The following FICD variants were observed in gnomAD, a reference collection of about 807,000 sequenced individuals.
FICD encodes FIC domain protein adenylyltransferase.
Under a neutral mutation model 28.0 loss-of-function variants are expected in FICD, and 13 were observed. The observed-to-expected ratio is 0.46, with a 90% CI of 0.30 to 0.74. The LOEUF (loss-of-function observed/expected upper bound fraction) is 0.74, where lower values mean the gene tolerates loss of function less well. Among genes scored for constraint, FICD ranks in the 30% least tolerant of loss-of-function variants. The pLI is 0.07. For synonymous variants in FICD, 268 were observed against 266.4 expected, an observed-to-expected ratio of 1.01 and a Z score of -0.06; for missense variants, 576 against 624.5, an observed-to-expected ratio of 0.92 and a Z score of 0.83.
Position 108,518,637 on chromosome 12 carries a change from G to A in FICD, c.539G>A (p.Arg180His), listed in dbSNP as rs926237262. The A allele has an allele frequency of 2.2e-5, 35 of 1,614,046 alleles. No homozygotes were observed. The highest frequency in any genetic ancestry group is 8.0e-5 in the African/African-American group (6 of 74,920). Residue 180 changes from arginine (R) to histidine (H), a missense_variant, in exon 3 of 3, where the codon CGC becomes CAC. Coordinates refer to ENST00000552695, the MANE Select transcript of FICD (RefSeq NM_007076.3). The surrounding 1 kb of genome is among the most constrained non-coding windows in gnomAD (Gnocchi z 4.4). ...SPYHEKALVN[R>H]DRTLPLVEEI... is the part of the protein sequence containing the mutation. ...TACCATGAGAAAGCACTGGTCAACC[G>A]CGATCGGACACTGCCTCTTGTGGAA...
Position 108,520,995 on chromosome 12 carries a change from A to G in FICD, c.*1520A>G, listed in dbSNP as rs1872098796. 1 of 152,196 alleles carries G rather than the reference A, an allele frequency of 6.6e-6. No homozygotes were observed. The highest frequency in any genetic ancestry group is 2.4e-5 in the African/African-American group (1 of 41,448). 9.4% of individuals were successfully genotyped at this position (152,196 alleles called of 1,614,324 possible). On this transcript the variant is annotated 3_prime_UTR_variant, in exon 3 of 3. Coordinates refer to ENST00000552695, the MANE Select transcript of FICD (RefSeq NM_007076.3). ...GATATATGAAATGGCTCCAAATGAT[A>G]ATTGTTCAAACCTTTATAAAATGTG...
At position 108,518,700 on chromosome 12, in the gene FICD, A is replaced by G. The variant is rs1872000263; in HGVS notation, c.602A>G (p.Lys201Arg). ...DQRYFSIIDSKVKKVMSIPKG... is the reference protein window; with the variant it reads ...DQRYFSIIDSRVKKVMSIPKG... ...AGGTATTTCAGCATCATCGACAGCA[A>G]AGTGAAGAAGGTCATGTCCATCCCC... Residue 201 changes from lysine to arginine, a missense_variant, in exon 3 of 3, where the codon AAA (lysine) becomes AGA (arginine). Lys to Arg is a conservative substitution (Grantham distance 26). Transcript: ENST00000552695. This position sits in a 1 kb window ranked among gnomAD's most constrained non-coding sequence, Gnocchi z 4.4. The G allele has an allele frequency of 6.2e-7, 1 of 1,614,084 alleles. No individual in the cohort carries two copies. Among genetic ancestry groups the G allele is most frequent in the South Asian group, 1.1e-5 (1 of 91,086 alleles).
In FICD at chr12:108,518,801, G is replaced by A. The variant is rs1354950569; in HGVS notation, c.703G>A (p.Gly235Ser). 1 of 1,614,186 alleles carries A rather than the reference G, an allele frequency of 6.2e-7. No homozygotes were observed. The highest frequency in any genetic ancestry group is 1.1e-5 in the South Asian group (1 of 91,086). Reference protein sequence around the residue: ...HHIYHTVAIEGNTLTLSEIRH... With the variant: ...HHIYHTVAIESNTLTLSEIRH... ...CATCTACCACACAGTGGCCATCGAG[G>A]GCAACACCCTCACCCTCTCGGAAAT... The change falls in exon 3 of 3, where the codon GGC (glycine) becomes AGC (serine). Residue 235 changes from glycine to serine, a missense_variant. By Grantham distance (56) the Gly-to-Ser change is moderately conservative. Coordinates refer to ENST00000552695, the MANE Select transcript of FICD (RefSeq NM_007076.3). This position sits in a 1 kb window ranked among gnomAD's most constrained non-coding sequence, Gnocchi z 4.4.
At chr12:108,517,344 G>T in intron 2 of FICD, 71 bp downstream of exon 2, 1 of 1,274,410 alleles carries the variant, frequency 7.8e-7, no homozygotes. Flanking sequence ...GTCATGTCCT[G>T]TATGTGGGGC....
rs1565853431 is a variant in FICD at position 108,519,574 on chromosome 12, A to C, written c.*99A>C. On this transcript the variant is annotated 3_prime_UTR_variant, in exon 3 of 3. Coordinates refer to ENST00000552695, the MANE Select transcript of FICD (RefSeq NM_007076.3). The surrounding 1 kb of genome is among the most constrained non-coding windows in gnomAD (Gnocchi z 4.5). ...AGTCACTTCCTAAAGCAAAAGGAGA[A>C]ACATTCTTTACCTCCAAATGTTTTA... The C allele has an allele frequency of 3.0e-6, 2 of 662,028 alleles. No individual in the cohort carries two copies. The highest frequency in any genetic ancestry group is 3.5e-5 in the Admixed American group (1 of 28,746). 41.0% of individuals were successfully genotyped at this position (662,028 alleles called of 1,614,324 possible).
rs1454674034 is a variant in FICD, at chr12:108,518,816, C to T, written c.718C>T (p.Leu240Phe). Residue 240 changes from leucine (L) to phenylalanine (F), a missense_variant, in exon 3 of 3, where the codon CTC becomes TTC. By Grantham distance (22) the Leu-to-Phe change is conservative. Transcript: ENST00000552695. The surrounding 1 kb of genome is among the most constrained non-coding windows in gnomAD (Gnocchi z 4.4). ...GGCCATCGAGGGCAACACCCTCACCCTCTCGGAAATCAGGCACATCCTGGA... is the reference window on the plus strand; with the variant it reads ...GGCCATCGAGGGCAACACCCTCACCTTCTCGGAAATCAGGCACATCCTGGA... Reference protein sequence around the residue: ...TVAIEGNTLTLSEIRHILETR... With the variant: ...TVAIEGNTLTFSEIRHILETR... The T allele has an allele frequency of 1.9e-6, 3 of 1,614,094 alleles. No homozygotes were observed. Among genetic ancestry groups the T allele is most frequent in the Non-Finnish European group, 2.5e-6 (3 of 1,180,052 alleles).
intron 2 of FICD, 41 bp downstream of exon 2, chr12:108,517,314 G>C: frequency 7.0e-7 from 1 of 1,438,294 alleles, no homozygotes; most frequent in African/African-American, 1.4e-5. Flanking sequence ...TTGTTAACTG[G>C]ATAGACAGAC....
Position 108,520,187 on chromosome 12 carries a change from G to C in FICD, c.*712G>C, listed in dbSNP as rs1374192959. The C allele has an allele frequency of 2.6e-5, 4 of 151,458 alleles. No individual in the cohort carries two copies. Among genetic ancestry groups the C allele is most frequent in the African/African-American group, 9.7e-5 (4 of 41,138 alleles). The allele number at this position is 151,458 out of a possible 1,614,324, so 9.4% of individuals were successfully genotyped here. A position where few individuals can be genotyped will look rare whatever the true frequency, so the allele number is the denominator to read the frequency against. On this transcript the variant is annotated 3_prime_UTR_variant, in exon 3 of 3. Coordinates refer to ENST00000552695, the MANE Select transcript of FICD (RefSeq NM_007076.3). ...GTTGGAGGGGGAAACATGGTGGGCGGGCAGTTTGGTTTTCTTTGTGTATCC... is the reference window on the plus strand; with the variant it reads ...GTTGGAGGGGGAAACATGGTGGGCGCGCAGTTTGGTTTTCTTTGTGTATCC...
chr12:108,518,985 G>T lies in FICD; in HGVS notation c.887G>T (p.Arg296Leu), dbSNP rs772294483. 11 of 1,614,168 alleles carry T rather than the reference G, an allele frequency of 6.8e-6. No individual in the cohort carries two copies. The East Asian group carries it at 2.2e-4, about 33-fold the overall frequency. The change falls in exon 3 of 3, where the codon CGG (arginine) becomes CTG (leucine). Residue 296 changes from arginine (R) to leucine (L), a missense_variant. Coordinates refer to ENST00000552695, the MANE Select transcript of FICD (RefSeq NM_007076.3). The surrounding 1 kb of genome is among the most constrained non-coding windows in gnomAD (Gnocchi z 4.4). ...TISDVLEIHR[R>L]VLGYVDPVEA... is the part of the protein sequence containing the mutation. ...AGCGACGTGCTGGAGATCCACAGGC[G>T]GGTGCTGGGCTACGTGGACCCCGTG...
Position 108,519,825 on chromosome 12 carries a change from T to TGGGAC in FICD, c.*354_*358dup, listed in dbSNP as rs551370666. 260 of 186,214 alleles carry TGGGAC rather than the reference T, an allele frequency of 1.4e-3. 3 individuals are homozygous for TGGGAC. Among genetic ancestry groups the TGGGAC allele is most frequent in the Middle Eastern group, 4.6e-3 (2 of 434 alleles). The allele number at this position is 186,214 out of a possible 1,614,324, so 11.5% of individuals were successfully genotyped here. A position where few individuals can be genotyped will look rare whatever the true frequency, so the allele number is the denominator to read the frequency against. On this transcript the variant is annotated 3_prime_UTR_variant, in exon 3 of 3. Coordinates refer to ENST00000552695, the MANE Select transcript of FICD (RefSeq NM_007076.3). This position sits in a 1 kb window ranked among gnomAD's most constrained non-coding sequence, Gnocchi z 4.5. ...AAGGTGGAGGAGCGGCCAAGAGGTGTGGGACGGGGCCCAGAGCCACTGACA... is the reference window on the plus strand; with the variant it reads ...AAGGTGGAGGAGCGGCCAAGAGGTGTGGGACGGGACGGGGCCCAGAGCCACTGACA...
intron 1 of FICD, 100 bp from the exon 2 acceptor site, chr12:108,516,815 T>G: frequency 1.9e-6 from 1 of 522,768 alleles, no homozygotes; most frequent in East Asian, 3.3e-5. Context: ...ATCTCTCTAG[T>G]GAGCTAAAAG....
intron 1 of FICD, 94 bp from the exon 2 acceptor site, chr12:108,516,820 TA>T: frequency 1.8e-6 from 1 of 549,942 alleles, no homozygotes; most frequent in Non-Finnish European, 2.9e-6. Context: ...TCTAGTGAGC[TA>T]AAAGAGCAGA....
At position 108,518,947 on chromosome 12, in the gene FICD, C is replaced by T; in HGVS notation, c.849C>T (p.Gly283=). The change falls in exon 3 of 3, where the codon GGC becomes GGT. Residue 283 remains glycine, a synonymous_variant. Coordinates refer to ENST00000552695, the MANE Select transcript of FICD (RefSeq NM_007076.3). This position sits in a 1 kb window ranked among gnomAD's most constrained non-coding sequence, Gnocchi z 4.4. ...YINTTLVSRI[G]SVTISDVLEI... The stretch of plus-strand genomic sequence containing the variant: ...ACACGACTCTGGTTTCGCGCATCGG[C>T]TCCGTCACCATCAGCGACGTGCTGG... 6.2e-7 allele frequency: 1 copy of T among 1,614,222 alleles called. No individual in the cohort carries two copies. Among genetic ancestry groups the T allele is most frequent in the Non-Finnish European group, 8.5e-7 (1 of 1,180,044 alleles).
At position 108,519,243 on chromosome 12, in the gene FICD, T is replaced by C. The variant is rs763501229; in HGVS notation, c.1145T>C (p.Met382Thr). The change falls in exon 3 of 3, where the codon ATG (methionine) becomes ACG (threonine). Residue 382 changes from methionine (M) to threonine (T), a missense_variant. Met to Thr is a moderately conservative substitution (Grantham distance 81). Transcript: ENST00000552695. This position sits in a 1 kb window ranked among gnomAD's most constrained non-coding sequence, Gnocchi z 4.5. ...TSRLLMNLIL[M>T]QAGYPPITIR... is the part of the protein sequence containing the mutation. ...CGTCTGCTCATGAACCTCATCCTCA[T>C]GCAGGCGGGCTACCCGCCCATCACC... is the stretch of plus-strand genomic sequence containing the variant. The C allele has an allele frequency of 1.2e-5, 19 of 1,614,222 alleles. No individual in the cohort carries two copies. Among genetic ancestry groups the C allele is most frequent in the Non-Finnish European group, 1.5e-5 (18 of 1,180,026 alleles).
chr12:108,518,940 G>T lies in FICD; in HGVS notation c.842G>T (p.Arg281Leu), dbSNP rs138967251. The T allele has an allele frequency of 1.1e-5, 17 of 1,614,168 alleles. No homozygotes were observed. The highest frequency in any genetic ancestry group is 6.7e-5 in the East Asian group (3 of 44,878). ...MKYINTTLVSRIGSVTISDVL... is the reference protein window; with the variant it reads ...MKYINTTLVSLIGSVTISDVL... ...TACATCAACACGACTCTGGTTTCGC[G>T]CATCGGCTCCGTCACCATCAGCGAC... The change falls in exon 3 of 3, where the codon CGC becomes CTC. Residue 281 changes from arginine to leucine, a missense_variant. Arg to Leu is a moderately radical substitution (Grantham distance 102). Coordinates refer to ENST00000552695, the MANE Select transcript of FICD (RefSeq NM_007076.3). This position sits in a 1 kb window ranked among gnomAD's most constrained non-coding sequence, Gnocchi z 4.4.
rs190616191 is a variant in FICD at position 108,518,749 on chromosome 12, G to C, written c.651G>C (p.Arg217Ser). 6.2e-7 allele frequency: 1 copy of C among 1,614,140 alleles called. No individual in the cohort carries two copies. Among genetic ancestry groups the C allele is most frequent in the East Asian group, 2.2e-5 (1 of 44,874 alleles). ...CCAAGGGGAACTCAGCTCTGCGCAG[G>C]GTCATGGAGGAGACCTACTACCATC... ...SIPKGNSALR[R>S]VMEETYYHHI... Residue 217 changes from arginine (R) to serine (S), a missense_variant, in exon 3 of 3, where the codon AGG becomes AGC. By Grantham distance (110) the Arg-to-Ser change is moderately radical (BLOSUM62 -1). Coordinates refer to ENST00000552695, the MANE Select transcript of FICD (RefSeq NM_007076.3). The surrounding 1 kb of genome is among the most constrained non-coding windows in gnomAD (Gnocchi z 4.4).
chr12:108,519,175 C>A lies in FICD; in HGVS notation c.1077C>A (p.Leu359=), dbSNP rs768960489. 6.2e-7 allele frequency: 1 copy of A among 1,614,250 alleles called. No homozygotes were observed. The highest frequency in any genetic ancestry group is 8.5e-7 in the Non-Finnish European group (1 of 1,180,028). ...VEFAALAHYK[L]VYIHPFIDGN... ...TTGCAGCCTTAGCCCATTATAAACT[C>A]GTTTACATCCACCCTTTCATTGATG... The change falls in exon 3 of 3, where the codon CTC becomes CTA. Residue 359 remains leucine, a synonymous_variant. Transcript: ENST00000552695. The surrounding 1 kb of genome is among the most constrained non-coding windows in gnomAD (Gnocchi z 4.5).
In FICD at chr12:108,518,412, A is replaced by G; in HGVS notation, c.314A>G (p.Glu105Gly). 6.2e-7 allele frequency: 1 copy of G among 1,613,848 alleles called. No homozygotes were observed. Among genetic ancestry groups the G allele is most frequent in the Non-Finnish European group, 8.5e-7 (1 of 1,179,788 alleles). The change falls in exon 3 of 3, where the codon GAA becomes GGA. Residue 105 changes from glutamate to glycine, a missense_variant. Glu to Gly is a moderately conservative substitution (Grantham distance 98). Coordinates refer to ENST00000552695, the MANE Select transcript of FICD (RefSeq NM_007076.3). This position sits in a 1 kb window ranked among gnomAD's most constrained non-coding sequence, Gnocchi z 4.4. ...KTKASPAGKL[E>G]ARAALNQALE... is the part of the protein sequence containing the mutation. Reference sequence around the variant, plus strand: ...GGCTCTCTTCCAGCGGGTAAGTTGGAAGCCAGAGCTGCCCTGAACCAGGCC... The same window carrying G: ...GGCTCTCTTCCAGCGGGTAAGTTGGGAGCCAGAGCTGCCCTGAACCAGGCC...
In FICD at chr12:108,519,052, C is replaced by T. The variant is rs1411998862; in HGVS notation, c.954C>T (p.His318=). The change falls in exon 3 of 3, where the codon CAC becomes CAT. Residue 318 remains histidine (H), a synonymous_variant. Transcript: ENST00000552695. The surrounding 1 kb of genome is among the most constrained non-coding windows in gnomAD (Gnocchi z 4.5). ...GGACAACACAGGTCCTGGTCGGACA[C>T]CACATCCCTCCCCATCCGCAGGATG... ...RFRTTQVLVG[H]HIPPHPQDVE... is the part of the protein sequence containing the mutation. 1.4e-5 allele frequency: 23 copies of T among 1,614,102 alleles called. No individual in the cohort carries two copies. The highest frequency in any genetic ancestry group is 2.2e-5 in the East Asian group (1 of 44,886).
Sources: gnomAD v4.1 joint callset for allele counts on GRCh38, gnomAD v4.1.1 for gene constraint, Gnocchi (gnomAD v3.1) non-coding constraint, MANE v1.5 for transcripts, NCBI Gene and HGNC (gene_info 2026-07-23, HGNC 2026-07-21) for gene names.